MTHFD2L: variants seen among roughly 807,000 people sequenced by gnomAD.
MTHFD2L encodes the protein methylenetetrahydrofolate dehydrogenase (NADP+ dependent) 2 like, also known as bifunctional methylenetetrahydrofolate dehydrogenase/cyclohydrolase 2, mitochondrial.
In MTHFD2L, 29 loss-of-function variants were observed where a neutral mutation model predicts 34.9. The observed-to-expected ratio is 0.83, with a 90% CI of 0.62 to 1.13. The LOEUF (loss-of-function observed/expected upper bound fraction) is 1.13, where lower values mean the gene tolerates loss of function less well. MTHFD2L is among the 50% of genes most tolerant of loss of function. The probability of loss-of-function intolerance (pLI) is 0.00; values close to 1 mark genes in which losing one functional copy is unlikely to be tolerated. For synonymous variants in MTHFD2L, 167 were observed against 155.7 expected (o/e 1.07, Z -0.54); for missense variants, 481 against 446.5 (o/e 1.08, Z -0.70).
intron 1 of MTHFD2L, among the ~76,000 whole-genome samples, chr4:74,158,740 T>A (rs1216180636): frequency 6.6e-6 from 1 of 152,206 alleles, no homozygotes; most frequent in East Asian, 1.9e-4. Context: ...TCTAAAATTA[T>A]TTATGGTTTC....
chr4:74,270,867 C>G (rs1366100226), intron 6 of MTHFD2L, among the ~76,000 whole-genome samples: 1 of 152,012 alleles, frequency 6.6e-6, no homozygotes, highest in Admixed American at 6.6e-5. Context: ...GCCATTCTAA[C>G]TGGTGTGAGA....
At chr4:74,289,200 A>C (rs986993599) in intron 7 of MTHFD2L, among the ~76,000 whole-genome samples, 1 of 152,240 alleles carries the variant, frequency 6.6e-6, no homozygotes, top group Non-Finnish European at 1.5e-5. Flanking sequence ...TGATACAAAA[A>C]TAAAACAAGA....
At chr4:74,298,164 C>G (rs1409860498) in intron 7 of MTHFD2L, among the ~76,000 whole-genome samples, 4 of 151,796 alleles carry the variant, frequency 2.6e-5, no homozygotes, top group Non-Finnish European at 4.4e-5. Flanking sequence ...TACTTTATTT[C>G]AAAAACAAAA....
intron 5 of MTHFD2L, among the ~76,000 whole-genome samples, chr4:74,224,806 T>C (rs1738877943): frequency 6.6e-6 from 1 of 151,984 alleles, no homozygotes; most frequent in Admixed American, 6.6e-5. Context: ...TTAGAACACT[T>C]CTGCTCATGC....
intron 5 of MTHFD2L, among the ~76,000 whole-genome samples, chr4:74,223,696 T>A (rs1211692300): frequency 6.6e-6 from 1 of 152,122 alleles, no homozygotes; most frequent in Non-Finnish European, 1.5e-5. Flanking sequence ...TTCCATGACA[T>A]TTTTTGTTGA....
At chr4:74,225,661 A>G (rs771630198) in intron 6 of MTHFD2L, among the ~76,000 whole-genome samples, 1 of 152,186 alleles carries the variant, frequency 6.6e-6, no homozygotes, top group Non-Finnish European at 1.5e-5. Flanking sequence ...GCTTTGACGA[A>G]CATGGTTTAA....
intron 1 of MTHFD2L, among the ~76,000 whole-genome samples, chr4:74,159,122 G>T (rs1156563192): frequency 1.3e-5 from 2 of 152,184 alleles, no homozygotes; most frequent in Non-Finnish European, 2.9e-5. Flanking sequence ...GACTGGTAAC[G>T]TGGAAACTTA....
chr4:74,253,481 G>A (rs960334183), intron 6 of MTHFD2L, among the ~76,000 whole-genome samples: 6 of 152,148 alleles, frequency 3.9e-5, no homozygotes, highest in Admixed American at 6.5e-5. Flanking sequence ...AGAGAGTATA[G>A]GAAGGACATT....
chr4:74,283,426 A>G (rs138316603), intron 7 of MTHFD2L, among the ~76,000 whole-genome samples: 4 of 152,260 alleles, frequency 2.6e-5, no homozygotes, highest in African/African-American at 9.6e-5. Flanking sequence ...ATCAAATTGT[A>G]GTTCTGTGTA....
chr4:74,212,292 T>A (rs1736460092), intron 5 of MTHFD2L, among the ~76,000 whole-genome samples: 1 of 152,202 alleles, frequency 6.6e-6, no homozygotes, highest in South Asian at 2.1e-4. Flanking sequence ...TGTTAGGGTG[T>A]CGATTTTAGA....
At chr4:74,235,753 A>G (rs1740742798) in intron 6 of MTHFD2L, among the ~76,000 whole-genome samples, 1 of 152,140 alleles carries the variant, frequency 6.6e-6, no homozygotes, top group African/African-American at 2.4e-5. Context: ...AAGATAGCCT[A>G]TTCTTATTCC....
intron 2 of MTHFD2L, among the ~76,000 whole-genome samples, chr4:74,117,858 C>T (rs752212120): frequency 5.3e-5 from 8 of 152,176 alleles, no homozygotes; most frequent in Admixed American, 1.3e-4. Context: ...TATCAATTCC[C>T]ACCAAACAGA....
intron 5 of MTHFD2L, among the ~76,000 whole-genome samples, chr4:74,221,757 A>T (rs1204374591): frequency 2.0e-5 from 3 of 150,786 alleles, no homozygotes; most frequent in Non-Finnish European, 4.4e-5. Flanking sequence ...ATAAATATAT[A>T]TGGTAAAACT....
At chr4:74,200,994 A>T (rs1300666469) in intron 4 of MTHFD2L, among the ~76,000 whole-genome samples, 1 of 152,202 alleles carries the variant, frequency 6.6e-6, no homozygotes, top group Non-Finnish European at 1.5e-5. Flanking sequence ...CTAACTCTTA[A>T]TGTGACTCTC....
chr4:74,232,883 T>G (rs1440294229), intron 6 of MTHFD2L, among the ~76,000 whole-genome samples: 1 of 152,194 alleles, frequency 6.6e-6, no homozygotes, highest in Non-Finnish European at 1.5e-5. Context: ...TACTAAATTT[T>G]ATTTATTCAG....
At chr4:74,266,356 T>C (rs1180956623) in intron 6 of MTHFD2L, among the ~76,000 whole-genome samples, 1 of 152,170 alleles carries the variant, frequency 6.6e-6, no homozygotes, top group East Asian at 1.9e-4. Flanking sequence ...CCCAATTGCT[T>C]TAATCTCTCT....
At chr4:74,188,085 T>C (rs1218275857) in intron 3 of MTHFD2L, among the ~76,000 whole-genome samples, 1 of 149,688 alleles carries the variant, frequency 6.7e-6, no homozygotes, top group Non-Finnish European at 1.5e-5. Flanking sequence ...TCAAAGTAAT[T>C]ATGCTGAGTG....
chr4:74,247,522 T>A (rs1742653211), intron 6 of MTHFD2L, among the ~76,000 whole-genome samples: 1 of 152,144 alleles, frequency 6.6e-6, no homozygotes, highest in African/African-American at 2.4e-5. Context: ...CTATGTTGTA[T>A]AGGAGTGGTG....
chr4:74,207,526 G>T (rs964459090), intron 5 of MTHFD2L, among the ~76,000 whole-genome samples: 6 of 152,286 alleles, frequency 3.9e-5, no homozygotes, highest in Non-Finnish European at 7.4e-5. Context: ...ACTTAGTCCT[G>T]TCTCTCCAAA....
Sources: allele counts gnomAD v4.1 joint callset (sites outside exome capture counted in the v4.1 genomes callset), GRCh38; gene constraint gnomAD v4.1.1; transcripts MANE v1.5; gene names NCBI Gene and HGNC (gene_info 2026-07-23, HGNC 2026-07-21).